EXT1: variants seen among roughly 807,000 people sequenced by gnomAD.
EXT1 encodes exostosin glycosyltransferase 1.
EXT1 carries 20 observed loss-of-function variants against 82.5 expected under a neutral mutation model. The ratio of observed to expected loss-of-function variants is 0.24; its 90% confidence interval spans 0.17 to 0.35. The LOEUF (loss-of-function observed/expected upper bound fraction) is 0.35. Ranked by LOEUF, EXT1 falls within the 10% of genes least tolerant of loss-of-function variation. EXT1 has a pLI of 1.00. For synonymous variants in EXT1, 348 were observed against 350.8 expected (o/e 0.99, Z 0.09); for missense variants, 757 against 936.5 (o/e 0.81, Z 2.50).
intron 7 of EXT1, among the ~76,000 whole-genome samples, chr8:117,816,837 T>G (rs917240327): frequency 4.6e-5 from 7 of 152,250 alleles, no homozygotes; most frequent in African/African-American, 1.7e-4. Flanking sequence ...AAGAAAGACA[T>G]TATCCACCAG....
chr8:118,064,541 G>A (rs1171318090), intron 1 of EXT1, among the ~76,000 whole-genome samples: 1 of 152,144 alleles, frequency 6.6e-6, no homozygotes, highest in East Asian at 1.9e-4. Flanking sequence ...GTATTCCATG[G>A]TATATATGTG....
At chr8:117,942,478 G>T (rs562059316) in intron 1 of EXT1, among the ~76,000 whole-genome samples, 17 of 152,142 alleles carry the variant, frequency 1.1e-4, no homozygotes, top group Admixed American at 3.9e-4. Flanking sequence ...TTGGGAGGCC[G>T]AGGTGGGCAG....
chr8:118,057,885 T>A lies in EXT1; in HGVS notation c.962+52200A>T, dbSNP rs181386848. 9.3e-3 allele frequency among the ~76,000 whole-genome samples: 1,361 copies of A among 146,866 alleles called. 7 individuals carry two copies. The highest frequency in any genetic ancestry group is 0.015 in the Non-Finnish European group (1,011 of 67,312). On this transcript the variant is annotated intron_variant, in intron 1 of 10. Coordinates refer to ENST00000378204, the MANE Select transcript of EXT1 (RefSeq NM_000127.3). The stretch of plus-strand genomic sequence containing the variant: ...CTACGTGGGAGGCTGAGGAGGAGAA[T>A]CGCTTGAACCCAGGAGGCAGAGGTT...
At position 117,807,385 on chromosome 8, in the gene EXT1, C is replaced by T. The variant is rs755589777; in HGVS notation, c.1723-8G>A. On this transcript the variant is annotated splice_polypyrimidine_tract_variant and splice_region_variant and intron_variant, in intron 8 of 10. Transcript: ENST00000378204. ...TGTGAAGGCGAAATCCACCTGCAGG[C>T]AGAACACAAGCCAAACAAGCAATCA... 5.6e-6 allele frequency: 9 copies of T among 1,614,018 alleles called. No homozygotes were observed. In the South Asian group the frequency reaches 8.8e-5, roughly 16 times the overall value.
intron 1 of EXT1, among the ~76,000 whole-genome samples, chr8:118,099,175 T>A (rs1309468311): frequency 1.3e-5 from 2 of 152,190 alleles, no homozygotes; most frequent in African/African-American, 4.8e-5. Context: ...GGGCAGTAGG[T>A]GTTGGACTTG....
At chr8:118,107,048 G>T (rs17454322) in intron 1 of EXT1, among the ~76,000 whole-genome samples, 6,539 of 152,240 alleles carry the variant, frequency 0.043, 197 homozygotes, top group Non-Finnish European at 0.07. Flanking sequence ...TTTCACAAAG[G>T]CACAGGTGAG....
intron 1 of EXT1, among the ~76,000 whole-genome samples, chr8:117,837,564 C>G (rs1812207526): frequency 6.6e-6 from 1 of 151,992 alleles, no homozygotes; most frequent in African/African-American, 2.4e-5. Flanking sequence ...ATTACTGGTG[C>G]TTCTCCTTCT....
intron 1 of EXT1, among the ~76,000 whole-genome samples, chr8:117,860,040 G>A (rs948836869): frequency 8.6e-5 from 13 of 151,588 alleles, no homozygotes; most frequent in African/African-American, 2.9e-4. Flanking sequence ...CCAGCTACCC[G>A]GGAGGCTGAG....
At chr8:117,918,553 T>C (rs1277740485) in intron 1 of EXT1, among the ~76,000 whole-genome samples, 1 of 152,252 alleles carries the variant, frequency 6.6e-6, no homozygotes, top group East Asian at 1.9e-4. Context: ...AGCAGAATGC[T>C]GCAGAGGTGA....
intron 1 of EXT1, among the ~76,000 whole-genome samples, chr8:118,021,851 G>T (rs1586347876): frequency 6.6e-6 from 1 of 152,276 alleles, no homozygotes; most frequent in African/African-American, 2.4e-5. Context: ...TATTTAAAGT[G>T]AAATTATCTC....
At chr8:118,045,475 C>A (rs1010674632) in intron 1 of EXT1, among the ~76,000 whole-genome samples, 5 of 152,122 alleles carry the variant, frequency 3.3e-5, no homozygotes, top group African/African-American at 9.7e-5. Context: ...GTCCCTCATC[C>A]CCAAATGTGC....
chr8:118,093,168 G>C (rs17454204), intron 1 of EXT1, among the ~76,000 whole-genome samples: 4,506 of 149,756 alleles, frequency 0.03, 93 homozygotes, highest in South Asian at 0.077. Context: ...AGAAAGGAGA[G>C]GATACACTCC....
chr8:117,978,843 C>T (rs1363516684), intron 1 of EXT1, among the ~76,000 whole-genome samples: 1 of 152,228 alleles, frequency 6.6e-6, no homozygotes, highest in Non-Finnish European at 1.5e-5. Context: ...CTGTACCACA[C>T]TGATAATGCC....
intron 1 of EXT1, among the ~76,000 whole-genome samples, chr8:117,882,980 G>GA (rs1320976687): frequency 0.1 from 6,695 of 65,850 alleles, 352 homozygotes; most frequent in African/African-American, 0.24. Context: ...CTGTCTCAAA[G>GA]AAAAAAAAAA....
chr8:118,079,736 G>T (rs2129979552), intron 1 of EXT1, among the ~76,000 whole-genome samples: 1 of 146,514 alleles, frequency 6.8e-6, no homozygotes, highest in East Asian at 2.1e-4. Flanking sequence ...AATAGCCCCG[G>T]ATTTAGCCCA....
intron 3 of EXT1, among the ~76,000 whole-genome samples, chr8:117,830,947 TG>T (rs1343773738): frequency 6.6e-6 from 1 of 152,212 alleles, no homozygotes; most frequent in Non-Finnish European, 1.5e-5. Flanking sequence ...ATCTCTCAAT[TG>T]TTCATATATG....
chr8:118,039,270 A>C (rs925903944), intron 1 of EXT1, among the ~76,000 whole-genome samples: 1 of 152,056 alleles, frequency 6.6e-6, no homozygotes, highest in Admixed American at 6.6e-5. Context: ...ATTCTATTTC[A>C]ACATTAATGC....
rs1403790793 is a variant in EXT1, at chr8:117,968,724, G to C, written c.963-131523C>G. On this transcript the variant is annotated intron_variant, in intron 1 of 10. Transcript: ENST00000378204. Reference sequence around the variant, plus strand: ...AGCTGGGACTATAGGCGCCCACCACGACGCCCGGCTAATTTTTTGTATTTT... The same window carrying C: ...AGCTGGGACTATAGGCGCCCACCACCACGCCCGGCTAATTTTTTGTATTTT... 4.8e-5 allele frequency among the ~76,000 whole-genome samples: 5 copies of C among 103,954 alleles called. No individual in the cohort carries two copies. In the East Asian group the frequency reaches 9.0e-4, roughly 19 times the overall value. 68.2% of individuals were successfully genotyped at this position (103,954 alleles called of 152,430 possible).
chr8:118,009,609 C>T (rs943397136), intron 1 of EXT1, among the ~76,000 whole-genome samples: 6 of 152,240 alleles, frequency 3.9e-5, no homozygotes, highest in African/African-American at 1.4e-4. Context: ...GGCTGCAAAG[C>T]AGGAAGCGAG....
Sources: allele counts gnomAD v4.1 joint callset (sites outside exome capture counted in the v4.1 genomes callset), GRCh38; gene constraint gnomAD v4.1.1; transcripts MANE v1.5; gene names NCBI Gene and HGNC (gene_info 2026-07-23, HGNC 2026-07-21).